The following GRIN2A variants were observed in gnomAD, a reference collection of about 807,000 sequenced individuals.
The protein encoded by GRIN2A is glutamate ionotropic receptor NMDA type subunit 2A.
In GRIN2A, 22 loss-of-function variants were observed where a neutral mutation model predicts 113.4. The observed-to-expected ratio is 0.19, with a 90% CI of 0.14 to 0.28. The LOEUF is 0.28. Ranked by LOEUF, GRIN2A falls within the 10% of genes least tolerant of loss-of-function variation. The pLI is 1.00. For synonymous variants in GRIN2A, 827 were observed against 738.4 expected, an observed-to-expected ratio of 1.12 and a Z score of -1.94; for missense variants, 1,502 against 1,887.0, an observed-to-expected ratio of 0.80 and a Z score of 3.78.
At chr16:9,802,380 C>G (rs1487985775) in intron 10 of GRIN2A, among the ~76,000 whole-genome samples, 1 of 152,070 alleles carries the variant, frequency 6.6e-6, no homozygotes, top group Non-Finnish European at 1.5e-5. Context: ...ACATCATGTC[C>G]TTTGCAGAGA....
intron 2 of GRIN2A, among the ~76,000 whole-genome samples, chr16:10,162,053 G>A (rs34834528): frequency 0.08 from 12,152 of 152,228 alleles, 585 homozygotes; most frequent in South Asian, 0.11. Flanking sequence ...GAATGTGGAT[G>A]TCTTTGGGTG....
At chr16:9,966,565 A>T (rs2045559859) in intron 2 of GRIN2A, among the ~76,000 whole-genome samples, 1 of 152,214 alleles carries the variant, frequency 6.6e-6, no homozygotes, top group East Asian at 1.9e-4. Context: ...TGCTATTGTG[A>T]ACAGTCCTGC....
chr16:10,082,467 A>G (rs2048003941), intron 2 of GRIN2A, among the ~76,000 whole-genome samples: 1 of 152,234 alleles, frequency 6.6e-6, no homozygotes, highest in African/African-American at 2.4e-5. Flanking sequence ...CGCTTCTGTG[A>G]TTATGTTACA....
rs7192506 is a variant in GRIN2A, at chr16:9,954,888, T to G, written c.415-16337A>C. On this transcript the variant is annotated intron_variant, in intron 2 of 12. Transcript: ENST00000330684. The stretch of plus-strand genomic sequence containing the variant: ...CCTCCTTTCTCCAGGCCAGCGTCCT[T>G]TATGTTCATTATGTTGAGTGGTAAG... Among the ~76,000 whole-genome samples, 214 of 152,272 alleles carry G rather than the reference T, an allele frequency of 1.4e-3. 2 individuals carry two copies. The highest frequency in any genetic ancestry group is 5.0e-3 in the African/African-American group (209 of 41,548).
intron 2 of GRIN2A, among the ~76,000 whole-genome samples, chr16:10,131,207 C>T (rs1376523436): frequency 6.6e-6 from 1 of 152,148 alleles, no homozygotes; most frequent in Non-Finnish European, 1.5e-5. Flanking sequence ...AAATATTAAA[C>T]ACCGAGGCTA....
chr16:9,800,819 C>T, intron 10 of GRIN2A, among the ~76,000 whole-genome samples: 1 of 152,106 alleles, frequency 6.6e-6, no homozygotes, highest in East Asian at 1.9e-4. Context: ...CCTGGAGCAA[C>T]CTAGAGCTTG....
intron 2 of GRIN2A, among the ~76,000 whole-genome samples, chr16:10,011,679 A>T (rs2141869723): frequency 6.6e-6 from 1 of 152,156 alleles, no homozygotes; most frequent in South Asian, 2.1e-4. Context: ...ATGCTAATTA[A>T]TTATTTTTTT....
At position 9,822,465 on chromosome 16, in the gene GRIN2A, G is replaced by T. The variant is rs376900804; in HGVS notation, c.2008-41C>A. 2.3e-5 allele frequency: 30 copies of T among 1,333,004 alleles called. No individual in the cohort carries two copies. The African/African-American group carries it at 3.6e-4, about 16-fold the overall frequency. The allele number at this position is 1,333,004 out of a possible 1,614,324, so 82.6% of individuals were successfully genotyped here. A position where few individuals can be genotyped will look rare whatever the true frequency, so the allele number is the denominator to read the frequency against. ...GAAAGGAAGAGAGAGAGTAGGAAAAGAAAGAGAAGGGAGGAGGGGGAGGAG... is the reference window on the plus strand; with the variant it reads ...GAAAGGAAGAGAGAGAGTAGGAAAATAAAGAGAAGGGAGGAGGGGGAGGAG... On this transcript the variant is annotated intron_variant, in intron 9 of 12. Coordinates refer to ENST00000330684, the MANE Select transcript of GRIN2A (RefSeq NM_001134407.3).
chr16:9,928,122 A>G (rs1225505352), intron 3 of GRIN2A, among the ~76,000 whole-genome samples: 1 of 152,170 alleles, frequency 6.6e-6, no homozygotes, highest in Non-Finnish European at 1.5e-5. Context: ...CTCCATCCCT[A>G]AGATTCATGC....
chr16:9,913,956 G>T (rs149308261), intron 3 of GRIN2A, among the ~76,000 whole-genome samples: 2 of 151,816 alleles, frequency 1.3e-5, no homozygotes, highest in African/African-American at 4.8e-5. Flanking sequence ...ACTTGTTGCT[G>T]ATTTTCAAAA....
chr16:9,854,307 T>C (rs750537606), intron 4 of GRIN2A, among the ~76,000 whole-genome samples: 1 of 151,782 alleles, frequency 6.6e-6, no homozygotes, highest in African/African-American at 2.4e-5. Flanking sequence ...CTCAGAGCCA[T>C]TGAGGGTGGC....
At chr16:9,788,205 C>T (rs1051994781) in intron 11 of GRIN2A, among the ~76,000 whole-genome samples, 7 of 152,098 alleles carry the variant, frequency 4.6e-5, no homozygotes, top group Admixed American at 1.3e-4. Context: ...CTTTACTCCT[C>T]CCTTTTTTCT....
intron 3 of GRIN2A, among the ~76,000 whole-genome samples, chr16:9,911,457 G>T (rs2044135908): frequency 6.6e-6 from 1 of 152,164 alleles, no homozygotes; most frequent in South Asian, 2.1e-4. Flanking sequence ...TAGCGATCTT[G>T]GGCAAGTTAT....
chr16:10,129,963 G>T (rs1025473771), intron 2 of GRIN2A, among the ~76,000 whole-genome samples: 3 of 152,230 alleles, frequency 2.0e-5, no homozygotes, highest in Admixed American at 2.0e-4. Flanking sequence ...TAAGGGCAGA[G>T]CTAGAAGCCC....
At chr16:9,800,498 G>A (rs1353666023) in intron 10 of GRIN2A, among the ~76,000 whole-genome samples, 1 of 152,076 alleles carries the variant, frequency 6.6e-6, no homozygotes, top group Non-Finnish European at 1.5e-5. Context: ...GCAAAGAGAG[G>A]ATGTGAAACA....
Position 10,025,044 on chromosome 16 carries a change from G to C in GRIN2A, c.415-86493C>G, listed in dbSNP as rs544775899. ...AGAGGGAAGGGAGGAAGAGGGAAGA[G>C]AGGATGATGGAGAGAGGAATCGAGA... On this transcript the variant is annotated intron_variant, in intron 2 of 12. Transcript: ENST00000330684. Among the ~76,000 whole-genome samples the C allele has an allele frequency of 6.6e-5, 10 of 152,168 alleles. No homozygotes were observed. The South Asian group carries it at 2.1e-3, about 32-fold the overall frequency.
chr16:9,990,365 C>A (rs2046078160), intron 2 of GRIN2A, among the ~76,000 whole-genome samples: 1 of 151,960 alleles, frequency 6.6e-6, no homozygotes, highest in African/African-American at 2.4e-5. Context: ...GAACAATAGA[C>A]ATTGGGGATC....
rs1242698676 is a variant in GRIN2A at position 9,763,880 on chromosome 16, G to C, written c.3664C>G (p.Pro1222Ala). Residue 1222 changes from proline (P) to alanine (A), a missense_variant, in exon 13 of 13, where the codon CCC becomes GCC. By Grantham distance (27) the Pro-to-Ala change is conservative. Transcript: ENST00000330684. The stretch of plus-strand genomic sequence containing the variant: ...ATGGTGAAGTGGCCTGAATAGGTGG[G>C]CATGTTGGAAAGGCAGCTTCTGCAG... ...THCRSCLSNM[P>A]TYSGHFTMRS... 1.9e-6 allele frequency: 3 copies of C among 1,614,124 alleles called. No individual in the cohort carries two copies. The highest frequency in any genetic ancestry group is 2.5e-6 in the Non-Finnish European group (3 of 1,180,020).
intron 2 of GRIN2A, among the ~76,000 whole-genome samples, chr16:10,144,218 G>A (rs1046616463): frequency 1.3e-5 from 2 of 152,052 alleles, no homozygotes; most frequent in Non-Finnish European, 2.9e-5. Flanking sequence ...AATTTTTCGA[G>A]GAGCCGCCAT....
Sources: gnomAD v4.1 joint callset for allele counts (sites outside exome capture counted in the v4.1 genomes callset) on GRCh38, gnomAD v4.1.1 for gene constraint, MANE v1.5 for transcripts, NCBI Gene and HGNC (gene_info 2026-07-23, HGNC 2026-07-21) for gene names.